The following SEMA3E variants were observed in gnomAD, a reference collection of about 807,000 sequenced individuals.
SEMA3E encodes the protein semaphorin 3E, also known as semaphorin-3E.
A neutral mutation model predicts 93.6 loss-of-function variants in SEMA3E; 49 were observed. That is an observed-to-expected ratio of 0.52 (90% CI 0.42 to 0.66). The LOEUF (loss-of-function observed/expected upper bound fraction) is 0.66, where lower values mean the gene tolerates loss of function less well. Ranked by LOEUF, SEMA3E falls within the 30% of genes least tolerant of loss-of-function variation. The pLI is 0.00. For synonymous variants in SEMA3E, 363 were observed against 330.7 expected, an observed-to-expected ratio of 1.10 and a Z score of -1.06; for missense variants, 906 against 964.8, an observed-to-expected ratio of 0.94 and a Z score of 0.81.
chr7:83,514,215 A>T (rs1790882958), intron 1 of SEMA3E, among the ~76,000 whole-genome samples: 1 of 152,108 alleles, frequency 6.6e-6, no homozygotes, highest in African/African-American at 2.4e-5. Context: ...CTTGTTTAGC[A>T]TATCATCATG....
chr7:83,415,194 A>G (rs1223067876), intron 5 of SEMA3E, among the ~76,000 whole-genome samples: 1 of 152,128 alleles, frequency 6.6e-6, no homozygotes, highest in Non-Finnish European at 1.5e-5. Context: ...CATTATACTG[A>G]AAAATTTATT....
chr7:83,432,573 A>G (rs1788910900), intron 4 of SEMA3E, among the ~76,000 whole-genome samples: 2 of 152,216 alleles, frequency 1.3e-5, no homozygotes, highest in Admixed American at 6.5e-5. Flanking sequence ...TTTACTGGTA[A>G]GAGTCATTGA....
chr7:83,571,731 A>T (rs1277140607), intron 1 of SEMA3E, among the ~76,000 whole-genome samples: 1 of 152,228 alleles, frequency 6.6e-6, no homozygotes, highest in African/African-American at 2.4e-5. Flanking sequence ...CAGAGGAATC[A>T]GGCAAGAGAA....
chr7:83,635,888 A>AG (rs1234327667), intron 1 of SEMA3E, among the ~76,000 whole-genome samples: 1 of 151,774 alleles, frequency 6.6e-6, no homozygotes, highest in Non-Finnish European at 1.5e-5. Flanking sequence ...TGACAAAAAA[A>AG]AAAAAAATCT....
intron 1 of SEMA3E, among the ~76,000 whole-genome samples, chr7:83,635,264 G>T (rs1337476015): frequency 2.0e-5 from 3 of 151,654 alleles, no homozygotes; most frequent in South Asian, 4.1e-4. Flanking sequence ...GTTTTCAAAA[G>T]AAATTATTTT....
intron 1 of SEMA3E, among the ~76,000 whole-genome samples, chr7:83,513,135 T>G (rs2115655795): frequency 6.6e-6 from 1 of 152,342 alleles, no homozygotes; most frequent in African/African-American, 2.4e-5. Context: ...TTTGGAGTCA[T>G]TAAGAACCAT....
At chr7:83,557,774 G>C (rs1562831786) in intron 1 of SEMA3E, among the ~76,000 whole-genome samples, 1 of 152,236 alleles carries the variant, frequency 6.6e-6, no homozygotes. Flanking sequence ...CAGCCTAACA[G>C]CAAGCTAGCT....
At chr7:83,374,035 C>T (rs978238693) in intron 16 of SEMA3E, among the ~76,000 whole-genome samples, 1 of 151,710 alleles carries the variant, frequency 6.6e-6, no homozygotes, top group African/African-American at 2.4e-5. Flanking sequence ...GCAGAAACCC[C>T]ATCTCTACTA....
At chr7:83,455,295 G>A (rs1192763455) in intron 4 of SEMA3E, among the ~76,000 whole-genome samples, 3 of 152,124 alleles carry the variant, frequency 2.0e-5, no homozygotes, top group Non-Finnish European at 4.4e-5. Context: ...TCCGAGGTTT[G>A]AGCAGAAAAA....
In SEMA3E at chr7:83,594,969, G is replaced by C. The variant is rs1207323805; in HGVS notation, c.115+53459C>G. On this transcript the variant is annotated intron_variant, in intron 1 of 16. Transcript: ENST00000643230. ...GAACTTCTGGGAAAAAAAAAAAAAAGCTCCCTGTTTTTAAAGACAGAAATT... is the reference window on the plus strand; with the variant it reads ...GAACTTCTGGGAAAAAAAAAAAAAACCTCCCTGTTTTTAAAGACAGAAATT... Among the ~76,000 whole-genome samples, 8 of 144,108 alleles carry C rather than the reference G, an allele frequency of 5.6e-5. No individual in the cohort carries two copies. The East Asian group carries it at 1.6e-3, about 28-fold the overall frequency. 94.5% of individuals were successfully genotyped at this position (144,108 alleles called of 152,430 possible).
chr7:83,476,904 A>G (rs760558400), intron 2 of SEMA3E, among the ~76,000 whole-genome samples: 117 of 152,188 alleles, frequency 7.7e-4, no homozygotes, highest in Non-Finnish European at 1.2e-3. Flanking sequence ...TCATCACAAT[A>G]CCCCTACAAT....
intron 1 of SEMA3E, among the ~76,000 whole-genome samples, chr7:83,539,594 T>C (rs1460661112): frequency 7.0e-6 from 1 of 142,910 alleles, no homozygotes; most frequent in Non-Finnish European, 1.5e-5. Flanking sequence ...CAGTTACTAC[T>C]TACCAGTTTC....
At chr7:83,420,676 T>A (rs1788654943) in intron 4 of SEMA3E, among the ~76,000 whole-genome samples, 1 of 152,184 alleles carries the variant, frequency 6.6e-6, no homozygotes, top group African/African-American at 2.4e-5. Flanking sequence ...GCTGCATATC[T>A]ACAGCCATCT....
At chr7:83,490,985 C>T (rs951150373) in intron 1 of SEMA3E, among the ~76,000 whole-genome samples, 5 of 151,998 alleles carry the variant, frequency 3.3e-5, no homozygotes, top group East Asian at 1.9e-4. Flanking sequence ...GTTGGTAAAA[C>T]GATATATGAG....
chr7:83,371,602 A>G (rs568160425), intron 16 of SEMA3E: 1 of 152,310 alleles, frequency 6.6e-6, no homozygotes, highest in African/African-American at 2.4e-5. Flanking sequence ...GAACATATTA[A>G]TATAAATCGT....
In SEMA3E at chr7:83,419,315, T is replaced by C. The variant is rs550127742; in HGVS notation, c.457-832A>G. Among the ~76,000 whole-genome samples, 3 of 152,294 alleles carry C rather than the reference T, an allele frequency of 2.0e-5. No homozygotes were observed. The East Asian group carries it at 5.8e-4, about 29-fold the overall frequency. On this transcript the variant is annotated intron_variant, in intron 4 of 16. Coordinates refer to ENST00000643230, the MANE Select transcript of SEMA3E (RefSeq NM_012431.3). ...GTCTAGCATTAATGAGCACTTAGGT[T>C]GAATTTATGTCTTTGCTATTGTGAA... is the stretch of plus-strand genomic sequence containing the variant.
intron 1 of SEMA3E, among the ~76,000 whole-genome samples, chr7:83,617,697 G>A (rs909731446): frequency 3.4e-5 from 5 of 148,780 alleles, no homozygotes; most frequent in African/African-American, 2.5e-5. Context: ...TATGAAGGAG[G>A]AAATTGTAAA....
chr7:83,524,825 T>C (rs1791122846), intron 1 of SEMA3E, among the ~76,000 whole-genome samples: 1 of 151,898 alleles, frequency 6.6e-6, no homozygotes, highest in African/African-American at 2.4e-5. Flanking sequence ...AGTCCATCAG[T>C]TTCATCACCT....
At chr7:83,627,261 T>C (rs1215574968) in intron 1 of SEMA3E, among the ~76,000 whole-genome samples, 1 of 152,186 alleles carries the variant, frequency 6.6e-6, no homozygotes, top group East Asian at 1.9e-4. Context: ...ATATCCTTGT[T>C]AATTTTCTGT....
Sources: allele counts gnomAD v4.1 joint callset (sites outside exome capture counted in the v4.1 genomes callset), GRCh38; gene constraint gnomAD v4.1.1; transcripts MANE v1.5; gene names NCBI Gene and HGNC (gene_info 2026-07-23, HGNC 2026-07-21).